CXADR: variants seen among roughly 807,000 people sequenced by gnomAD.
CXADR encodes coxsackievirus and adenovirus receptor.
A neutral mutation model predicts 40.3 loss-of-function variants in CXADR; 20 were observed. The observed-to-expected ratio is 0.50, with a 90% CI of 0.35 to 0.72. The LOEUF (loss-of-function observed/expected upper bound fraction) is 0.72, where lower values mean the gene tolerates loss of function less well. Among genes scored for constraint, CXADR ranks in the 30% least tolerant of loss-of-function variants. CXADR has a pLI of 0.01. For synonymous variants in CXADR, 150 were observed against 161.3 expected (o/e 0.93, Z 0.53); for missense variants, 332 against 449.1 (o/e 0.74, Z 2.36).
chr21:17,621,988 A>C, the CXADR span, among the ~76,000 whole-genome samples: 3 of 152,224 alleles, frequency 2.0e-5, no homozygotes, highest in Non-Finnish European at 4.4e-5. Context: ...GCTGAAAGGA[A>C]GTTTCACAGG....
At chr21:17,522,458 T>C (rs529005061) in intron 1 of CXADR, among the ~76,000 whole-genome samples, 352 of 152,298 alleles carry the variant, frequency 2.3e-3, no homozygotes, top group Non-Finnish European at 4.2e-3. Context: ...TTTATTTTTC[T>C]TTATTAACCA....
rs956417642 is a variant in CXADR, at chr21:17,548,652, C to T, written c.210+1459C>T. On this transcript the variant is annotated intron_variant, in intron 2 of 6. Coordinates refer to ENST00000284878, the MANE Select transcript of CXADR (RefSeq NM_001338.5). ...GGAAGCCTAGGAACCATATGGAGAG[C>T]GTGGGTCTTCCGTGCTTCTGCTGAG... Among the ~76,000 whole-genome samples the T allele has an allele frequency of 5.3e-5, 8 of 152,350 alleles. No homozygotes were observed. The East Asian group carries it at 7.7e-4, about 15-fold the overall frequency.
downstream of CXADR, among the ~76,000 whole-genome samples, chr21:17,573,071 G>T (rs774094272): frequency 3.9e-5 from 6 of 152,122 alleles, no homozygotes; most frequent in Non-Finnish European, 5.9e-5. Context: ...TGGCAAGATT[G>T]GTTCCTTCTG....
chr21:17,514,664 G>A (rs775671173), intron 1 of CXADR, among the ~76,000 whole-genome samples: 3 of 149,250 alleles, frequency 2.0e-5, no homozygotes, highest in East Asian at 2.0e-4. Flanking sequence ...ATGGAGTTTC[G>A]CTCTTGTTGC....
intron 7 of CXADR, among the ~76,000 whole-genome samples, chr21:17,578,575 G>A (rs147632114): frequency 3.1e-4 from 47 of 152,340 alleles, no homozygotes; most frequent in African/African-American, 1.0e-3. Flanking sequence ...AATGGCTCAC[G>A]CCTGTAATCC....
intron 1 of CXADR, among the ~76,000 whole-genome samples, chr21:17,514,813 T>C (rs116838668): frequency 0.03 from 4,517 of 151,882 alleles, 243 homozygotes; most frequent in African/African-American, 0.1. Flanking sequence ...TTTTTATTTT[T>C]AGTAGAAACC....
chr21:17,622,204 C>T, the CXADR span, among the ~76,000 whole-genome samples: 8 of 152,254 alleles, frequency 5.3e-5, no homozygotes, highest in Admixed American at 2.6e-4. Flanking sequence ...AGGGTGATTA[C>T]GGGTAGGCTT....
rs2061233399 is a variant in CXADR, at chr21:17,567,981, C to T, written c.*2289C>T. 1 of 984,632 alleles carries T rather than the reference C, an allele frequency of 1.0e-6. No homozygotes were observed. Among genetic ancestry groups the T allele is most frequent in the Non-Finnish European group, 1.2e-6 (1 of 829,744 alleles). 61.0% of individuals were successfully genotyped at this position (984,632 alleles called of 1,614,324 possible). A position where few individuals can be genotyped will look rare whatever the true frequency, so the allele number is the denominator to read the frequency against. ...TAAAATTCTGTCAGCCAAATAGTAC[C>T]AATACGTTTTCAAGTAGTTCTCACT... is the stretch of plus-strand genomic sequence containing the variant. On this transcript the variant is annotated 3_prime_UTR_variant, in exon 7 of 7. Transcript: ENST00000284878.
chr21:17,586,417 T>A (rs1257835858), intron 7 of CXADR, among the ~76,000 whole-genome samples: 5 of 138,700 alleles, frequency 3.6e-5, no homozygotes, highest in African/African-American at 1.3e-4. Context: ...ATATATATAA[T>A]ATATATTATA....
At chr21:17,572,000 G>T (rs2246741), downstream of CXADR, among the ~76,000 whole-genome samples, 2 of 152,106 alleles carry the variant, frequency 1.3e-5, no homozygotes, top group African/African-American at 2.4e-5. Context: ...TATGGACACT[G>T]GGGACAAATA....
At chr21:17,518,323 T>G (rs1282347867) in intron 1 of CXADR, among the ~76,000 whole-genome samples, 1 of 152,100 alleles carries the variant, frequency 6.6e-6, no homozygotes, top group East Asian at 1.9e-4. Flanking sequence ...CACCAATACT[T>G]CATATTTTGA....
intron 7 of CXADR, among the ~76,000 whole-genome samples, chr21:17,588,381 C>T (rs1485062768): frequency 6.6e-6 from 1 of 152,292 alleles, no homozygotes; most frequent in Admixed American, 6.5e-5. Flanking sequence ...GAATGTTCTT[C>T]CGTTTGTTTG....
chr21:17,514,137 A>G (rs1241632356), intron 1 of CXADR, among the ~76,000 whole-genome samples: 1 of 152,148 alleles, frequency 6.6e-6, no homozygotes, highest in Non-Finnish European at 1.5e-5. Context: ...TTATAACCAA[A>G]TAATTCATTT....
rs73310212 is a variant in CXADR at position 17,579,689 on chromosome 21, C to T, written c.1018-13463C>T. On this transcript the variant is annotated intron_variant, in intron 7 of 7. Transcript: ENST00000400169. The stretch of plus-strand genomic sequence containing the variant: ...AAAAGAGATGAAATTTAGGAAATTT[C>T]GGATGAAGAATGGGAGAGAGAAGAG... Among the ~76,000 whole-genome samples, 523 of 152,222 alleles carry T rather than the reference C, an allele frequency of 3.4e-3. 2 individuals carry two copies. The highest frequency in any genetic ancestry group is 0.012 in the African/African-American group (508 of 41,528).
At chr21:17,573,901 G>A (rs147154069), downstream of CXADR, among the ~76,000 whole-genome samples, 12 of 148,564 alleles carry the variant, frequency 8.1e-5, no homozygotes, top group East Asian at 2.4e-3. Flanking sequence ...AGCAGACCCT[G>A]TAAAAAAGAA....
At chr21:17,533,040 A>G (rs1402903411) in intron 1 of CXADR, among the ~76,000 whole-genome samples, 1 of 152,150 alleles carries the variant, frequency 6.6e-6, no homozygotes, top group Non-Finnish European at 1.5e-5. Flanking sequence ...ACAGGGGAGG[A>G]GAAGAAATGA....
chr21:17,566,703 C>T lies in CXADR; in HGVS notation c.*1011C>T. On this transcript the variant is annotated 3_prime_UTR_variant, in exon 7 of 7. Transcript: ENST00000284878. ...TGGATGGTGTTACATATTATATGTT[C>T]TAGAAACATGTAATCCTAAATTTAC... 1 of 973,496 alleles carries T rather than the reference C, an allele frequency of 1.0e-6. No homozygotes were observed. The highest frequency in any genetic ancestry group is 1.2e-6 in the Non-Finnish European group (1 of 819,220). 60.3% of individuals were successfully genotyped at this position (973,496 alleles called of 1,614,324 possible). A position where few individuals can be genotyped will look rare whatever the true frequency, so the allele number is the denominator to read the frequency against.
At chr21:17,523,928 G>A (rs8129278) in intron 1 of CXADR, among the ~76,000 whole-genome samples, 29,318 of 151,626 alleles carry the variant, frequency 0.19, 4,151 homozygotes, top group African/African-American at 0.41. Context: ...GCGCGATCTC[G>A]GTTCACTGCA....
At chr21:17,582,173 A>G (rs952236567) in intron 7 of CXADR, among the ~76,000 whole-genome samples, 6 of 151,870 alleles carry the variant, frequency 4.0e-5, no homozygotes, top group Non-Finnish European at 8.8e-5. Flanking sequence ...GAACACACCC[A>G]GGTAATTTTT....
Sources: allele counts gnomAD v4.1 joint callset (sites outside exome capture counted in the v4.1 genomes callset), GRCh38; gene constraint gnomAD v4.1.1; transcripts MANE v1.5; gene names NCBI Gene and HGNC (gene_info 2026-07-23, HGNC 2026-07-21).